VTI1A: variants seen among roughly 807,000 people sequenced by gnomAD.
VTI1A encodes vesicle transport through interaction with t-SNAREs 1A, also known as vesicle transport through interaction with t-SNAREs homolog 1A.
A neutral mutation model predicts 34.9 loss-of-function variants in VTI1A; 22 were observed. The observed-to-expected ratio is 0.63, with a 90% CI of 0.45 to 0.90. The LOEUF (loss-of-function observed/expected upper bound fraction) is 0.90, where lower values mean the gene tolerates loss of function less well. Ranked by LOEUF, VTI1A falls within the 40% of genes least tolerant of loss-of-function variation. VTI1A has a pLI of 0.00. For missense variants in VTI1A, 268 were observed against 275.6 expected (o/e 0.97, Z 0.20); for synonymous variants, 87 against 97.3 (o/e 0.89, Z 0.62).
chr10:112,545,908 G>GGT (rs142256916), intron 5 of VTI1A, among the ~76,000 whole-genome samples: 4 of 150,702 alleles, frequency 2.7e-5, no homozygotes, highest in South Asian at 2.1e-4. Context: ...ATTTGACCAG[G>GGT]GTGTGTGTGT....
At chr10:112,706,883 G>T (rs1849217827) in intron 7 of VTI1A, among the ~76,000 whole-genome samples, 1 of 152,046 alleles carries the variant, frequency 6.6e-6, no homozygotes, top group Non-Finnish European at 1.5e-5. Context: ...GCAGCAGCAG[G>T]TTTTTTTCAT....
At chr10:112,743,034 G>A (rs920651566) in intron 7 of VTI1A, among the ~76,000 whole-genome samples, 5 of 151,738 alleles carry the variant, frequency 3.3e-5, no homozygotes, top group African/African-American at 1.2e-4. Context: ...GTGTGTGTGT[G>A]TGTGTGTGTG....
chr10:112,647,056 C>G lies in VTI1A; in HGVS notation c.428-21162C>G, dbSNP rs540230311. On this transcript the variant is annotated intron_variant, in intron 5 of 7. Coordinates refer to ENST00000393077, the MANE Select transcript of VTI1A (RefSeq NM_145206.4). The stretch of plus-strand genomic sequence containing the variant: ...CTACCTCTGACCTAAAATTTGCCCC[C>G]ACAGGCAAGTTGTTTAACCTTTCTG... Among the ~76,000 whole-genome samples, 3 of 152,250 alleles carry G rather than the reference C, an allele frequency of 2.0e-5. No homozygotes were observed. In the South Asian group the frequency reaches 6.2e-4, roughly 32 times the overall value.
downstream of VTI1A, among the ~76,000 whole-genome samples, chr10:112,822,381 A>G (rs1400752054): frequency 6.6e-6 from 1 of 152,144 alleles, no homozygotes; most frequent in Non-Finnish European, 1.5e-5. Flanking sequence ...TCCCACAGCC[A>G]TGCCCTGGCT....
At chr10:112,620,519 G>T (rs1024990624) in intron 5 of VTI1A, among the ~76,000 whole-genome samples, 6 of 152,102 alleles carry the variant, frequency 3.9e-5, no homozygotes, top group Non-Finnish European at 8.8e-5. Context: ...GGCTGGGCGC[G>T]GTGGCTCACG....
At chr10:112,593,937 T>C (rs1844505300) in intron 5 of VTI1A, among the ~76,000 whole-genome samples, 1 of 150,104 alleles carries the variant, frequency 6.7e-6, no homozygotes, top group Non-Finnish European at 1.5e-5. Flanking sequence ...TGAGACGGAG[T>C]CTCGCTCTGT....
intron 7 of VTI1A, among the ~76,000 whole-genome samples, chr10:112,764,328 T>C (rs1016521514): frequency 1.3e-5 from 2 of 152,166 alleles, no homozygotes; most frequent in Non-Finnish European, 2.9e-5. Flanking sequence ...TCGGTGGAAA[T>C]GGAGGAGACT....
chr10:112,715,907 G>A (rs1359271052), intron 7 of VTI1A, among the ~76,000 whole-genome samples: 6 of 152,172 alleles, frequency 3.9e-5, no homozygotes, highest in African/African-American at 7.2e-5. Context: ...AAGAGATTTC[G>A]GAGTCAGTAA....
intron 5 of VTI1A, among the ~76,000 whole-genome samples, chr10:112,600,145 C>T (rs949113471): frequency 6.6e-6 from 1 of 152,236 alleles, no homozygotes; most frequent in African/African-American, 2.4e-5. Flanking sequence ...ATCTGAAAAA[C>T]GGAATGTTTG....
At chr10:112,758,993 A>G (rs1051624938) in intron 7 of VTI1A, among the ~76,000 whole-genome samples, 3 of 152,154 alleles carry the variant, frequency 2.0e-5, no homozygotes, top group African/African-American at 7.2e-5. Context: ...AGCTGAGTTC[A>G]CCAATGACAC....
intron 1 of VTI1A, among the ~76,000 whole-genome samples, chr10:112,455,658 C>T (rs1333828264): frequency 1.8e-5 from 2 of 110,790 alleles, no homozygotes; most frequent in Non-Finnish European, 3.5e-5. Flanking sequence ...CCCCTCCCTC[C>T]CTTCCTCCCT....
intron 5 of VTI1A, among the ~76,000 whole-genome samples, chr10:112,638,170 G>T (rs1275733789): frequency 6.6e-6 from 1 of 152,126 alleles, no homozygotes; most frequent in African/African-American, 2.4e-5. Context: ...TTTACCTAAG[G>T]GTTTTATTCA....
the VTI1A span, among the ~76,000 whole-genome samples, chr10:112,852,778 T>G: frequency 6.6e-6 from 1 of 151,094 alleles, no homozygotes; most frequent in African/African-American, 2.5e-5. Context: ...TGTTTTGTTT[T>G]GTTTGTTTGT....
At chr10:112,809,804 A>C (rs1314241115) in intron 7 of VTI1A, among the ~76,000 whole-genome samples, 1 of 152,188 alleles carries the variant, frequency 6.6e-6, no homozygotes, top group Admixed American at 6.5e-5. Flanking sequence ...AGAAATTCGG[A>C]CTGTGGAAGG....
intron 5 of VTI1A, among the ~76,000 whole-genome samples, chr10:112,580,283 A>G (rs1843874781): frequency 6.6e-6 from 1 of 152,200 alleles, no homozygotes. Flanking sequence ...AATAATGTAT[A>G]AATATAGAAG....
chr10:112,456,874 A>G (rs941898686), intron 1 of VTI1A, among the ~76,000 whole-genome samples: 7 of 152,144 alleles, frequency 4.6e-5, no homozygotes, highest in Admixed American at 4.6e-4. Context: ...GTAAGTTCCT[A>G]TTTCCTTGGT....
At chr10:112,556,502 G>A (rs1851550055) in intron 5 of VTI1A, among the ~76,000 whole-genome samples, 1 of 151,856 alleles carries the variant, frequency 6.6e-6, no homozygotes, top group South Asian at 2.1e-4. Flanking sequence ...AGAAAATGGT[G>A]GTCTCATTCA....
intron 7 of VTI1A, among the ~76,000 whole-genome samples, chr10:112,708,884 G>T (rs189725780): frequency 6.6e-6 from 1 of 152,122 alleles, no homozygotes; most frequent in South Asian, 2.1e-4. Context: ...AACATGTTTC[G>T]TAGTTACACA....
At chr10:112,716,356 C>A (rs748854051) in intron 7 of VTI1A, among the ~76,000 whole-genome samples, 1 of 152,080 alleles carries the variant, frequency 6.6e-6, no homozygotes, top group African/African-American at 2.4e-5. Context: ...ACATGGCAGG[C>A]CTTAGGTAGT....
Sources: allele counts gnomAD v4.1 joint callset (sites outside exome capture counted in the v4.1 genomes callset), GRCh38; gene constraint gnomAD v4.1.1; transcripts MANE v1.5; gene names NCBI Gene and HGNC (gene_info 2026-07-23, HGNC 2026-07-21).